The following NPAS3 variants were observed in gnomAD, a reference collection of about 807,000 sequenced individuals.
The protein encoded by NPAS3 is neuronal PAS domain protein 3.
Under a neutral mutation model 73.1 loss-of-function variants are expected in NPAS3, and 14 were observed. That is an observed-to-expected ratio of 0.19 (90% CI 0.13 to 0.30). The LOEUF is 0.30. Among genes scored for constraint, NPAS3 ranks in the 10% least tolerant of loss-of-function variants. The pLI is 1.00. For synonymous variants in NPAS3, 620 were observed against 541.5 expected, an observed-to-expected ratio of 1.14 and a Z score of -2.01; for missense variants, 1,096 against 1,250.0, an observed-to-expected ratio of 0.88 and a Z score of 1.86.
chr14:33,019,660 T>C (rs773987829), intron 1 of NPAS3, among the ~76,000 whole-genome samples: 2 of 152,232 alleles, frequency 1.3e-5, no homozygotes, highest in African/African-American at 2.4e-5. Context: ...ATGACTCTGA[T>C]GTACTGTGTA....
chr14:32,997,678 A>T (rs987909500), intron 1 of NPAS3, among the ~76,000 whole-genome samples: 7 of 151,220 alleles, frequency 4.6e-5, no homozygotes, highest in Non-Finnish European at 8.8e-5. Flanking sequence ...TAATCCCAGC[A>T]CTTTGGGAGG....
intron 6 of NPAS3, among the ~76,000 whole-genome samples, chr14:33,688,529 G>T (rs1355737796): frequency 6.6e-6 from 1 of 152,052 alleles, no homozygotes; most frequent in Non-Finnish European, 1.5e-5. Flanking sequence ...AATGCAAGCA[G>T]AGTCACAGAT....
chr14:33,180,631 G>A (rs1282486519), intron 2 of NPAS3, among the ~76,000 whole-genome samples: 6 of 151,246 alleles, frequency 4.0e-5, no homozygotes, highest in Non-Finnish European at 7.4e-5. Flanking sequence ...AACCCCATCT[G>A]TATTAAAAAT....
chr14:33,152,872 T>C (rs1422522916), intron 2 of NPAS3, among the ~76,000 whole-genome samples: 1 of 152,154 alleles, frequency 6.6e-6, no homozygotes, highest in African/African-American at 2.4e-5. Context: ...TGGAAAATGT[T>C]AAGTAACTTT....
chr14:33,028,614 A>G (rs962308567), intron 1 of NPAS3, among the ~76,000 whole-genome samples: 7 of 152,196 alleles, frequency 4.6e-5, no homozygotes, highest in African/African-American at 1.7e-4. Flanking sequence ...CCTAGTATCT[A>G]TGGCAGTTAG....
At chr14:32,964,371 C>A (rs7144419) in intron 1 of NPAS3, among the ~76,000 whole-genome samples, 33,559 of 151,868 alleles carry the variant, frequency 0.22, 4,404 homozygotes, top group Middle Eastern at 0.38. Context: ...AATTTGATAG[C>A]CAGGATTGCA....
chr14:33,786,713 G>GTGTAAGT (rs1340788440), intron 9 of NPAS3, among the ~76,000 whole-genome samples: 3 of 152,118 alleles, frequency 2.0e-5, no homozygotes, highest in African/African-American at 7.2e-5. Context: ...GGCAAGTAGA[G>GTGTAAGT]GTAAATCCCT....
intron 1 of NPAS3, among the ~76,000 whole-genome samples, chr14:33,027,514 C>T (rs2039849274): frequency 6.6e-6 from 1 of 152,106 alleles, no homozygotes; most frequent in Non-Finnish European, 1.5e-5. Flanking sequence ...GTTGGTATTT[C>T]TGTCTCTCTT....
intron 4 of NPAS3, among the ~76,000 whole-genome samples, chr14:33,557,240 T>C (rs1336250128): frequency 2.0e-5 from 3 of 152,206 alleles, no homozygotes; most frequent in Non-Finnish European, 2.9e-5. Context: ...GGCAGTTTTG[T>C]CAAAGGTAAG....
At chr14:33,356,099 A>G (rs2045325971) in intron 3 of NPAS3, among the ~76,000 whole-genome samples, 1 of 152,206 alleles carries the variant, frequency 6.6e-6, no homozygotes, top group African/African-American at 2.4e-5. Flanking sequence ...GCACTCAGTA[A>G]AGTTTTATTA....
At chr14:33,507,810 C>T (rs1282680952) in intron 4 of NPAS3, among the ~76,000 whole-genome samples, 4 of 151,982 alleles carry the variant, frequency 2.6e-5, no homozygotes, top group Non-Finnish European at 5.9e-5. Flanking sequence ...GGTTTGGAGT[C>T]TGTGTTTTTG....
chr14:33,708,179 C>T (rs2060712299), intron 6 of NPAS3, among the ~76,000 whole-genome samples: 1 of 152,182 alleles, frequency 6.6e-6, no homozygotes, highest in South Asian at 2.1e-4. Flanking sequence ...AGCCACCCAG[C>T]CCTGGGACAG....
chr14:33,148,178 AT>A (rs2044316279), intron 2 of NPAS3, among the ~76,000 whole-genome samples: 1 of 152,152 alleles, frequency 6.6e-6, no homozygotes. Flanking sequence ...TCCAATATTA[AT>A]TGCTTTTAGC....
chr14:33,369,720 A>G (rs1417896186), intron 4 of NPAS3, among the ~76,000 whole-genome samples: 2 of 152,172 alleles, frequency 1.3e-5, no homozygotes, highest in African/African-American at 4.8e-5. Context: ...AAGAACTACT[A>G]CATAGTATTC....
rs530802605 is a variant in NPAS3 at position 33,546,398 on chromosome 14, C to T, written c.469-13723C>T. 1.1e-4 allele frequency among the ~76,000 whole-genome samples: 16 copies of T among 152,268 alleles called. No homozygotes were observed. The South Asian group carries it at 2.9e-3, about 28-fold the overall frequency. On this transcript the variant is annotated intron_variant, in intron 4 of 11. Coordinates refer to ENST00000356141, the Ensembl canonical transcript of NPAS3. ...TAAGTGTTTAAGCCTATGAATAATC[C>T]GTTCAAACTTCCTAATATACTATAA...
At chr14:33,508,833 G>A (rs2052898681) in intron 4 of NPAS3, among the ~76,000 whole-genome samples, 1 of 152,018 alleles carries the variant, frequency 6.6e-6, no homozygotes, top group African/African-American at 2.4e-5. Context: ...GGTCAGAGGA[G>A]TAGAATGAGC....
At chr14:33,057,029 C>G (rs1172787634) in intron 2 of NPAS3, among the ~76,000 whole-genome samples, 3 of 151,776 alleles carry the variant, frequency 2.0e-5, no homozygotes, top group African/African-American at 7.3e-5. Flanking sequence ...ATTTACTCCT[C>G]CAACTGGTTG....
At chr14:33,462,774 G>C (rs1012162934) in intron 4 of NPAS3, among the ~76,000 whole-genome samples, 1 of 152,134 alleles carries the variant, frequency 6.6e-6, no homozygotes, top group Non-Finnish European at 1.5e-5. Flanking sequence ...TCAAAACCTA[G>C]CTCTACACAC....
At chr14:33,308,545 C>CACACACACAA (rs1174898464) in intron 3 of NPAS3, among the ~76,000 whole-genome samples, 11 of 119,054 alleles carry the variant, frequency 9.2e-5, no homozygotes, top group Non-Finnish European at 1.5e-4. Flanking sequence ...CACACACACA[C>CACACACACAA]ACACACACAC....
Sources: gnomAD v4.1 joint callset for allele counts (sites outside exome capture counted in the v4.1 genomes callset) on GRCh38, gnomAD v4.1.1 for gene constraint, MANE v1.5 for transcripts, NCBI Gene and HGNC (gene_info 2026-07-23, HGNC 2026-07-21) for gene names.